Variants in ZNF385D observed in about 807,000 individuals in gnomAD.
ZNF385D encodes zinc finger protein 659.
Under a neutral mutation model 35.8 loss-of-function variants are expected in ZNF385D, and 15 were observed. That is an observed-to-expected ratio of 0.42 (90% CI 0.28 to 0.64). The LOEUF is 0.64. Ranked by LOEUF, ZNF385D falls within the 30% of genes least tolerant of loss-of-function variation. The pLI is 0.23. For missense variants in ZNF385D, 474 were observed against 494.6 expected (o/e 0.96, Z 0.39); for synonymous variants, 212 against 186.8 (o/e 1.13, Z -1.10).
At position 22,129,162 on chromosome 3, in the gene ZNF385D, T is replaced by C. The variant is rs11923104; in HGVS notation, c.325+39655A>G. 5.5e-4 allele frequency among the ~76,000 whole-genome samples: 84 copies of C among 152,290 alleles called. 1 individual carries two copies. Among genetic ancestry groups the C allele is most frequent in the African/African-American group, 1.9e-3 (80 of 41,584 alleles). ...TTACATGGGAGAGTCTCTTGTTTTCTTTCCTTACTTTTCCCCAAACAAACA... is the reference window on the plus strand; with the variant it reads ...TTACATGGGAGAGTCTCTTGTTTTCCTTCCTTACTTTTCCCCAAACAAACA... On this transcript the variant is annotated intron_variant, in intron 3 of 5. Transcript: ENST00000494108.
intron 3 of ZNF385D, among the ~76,000 whole-genome samples, chr3:22,147,841 A>C (rs974616163): frequency 7.2e-5 from 11 of 152,180 alleles, no homozygotes; most frequent in African/African-American, 2.7e-4. Flanking sequence ...TGCTGCAGAA[A>C]CTAGGAAAGA....
At chr3:22,363,452 A>G (rs1160422409) in intron 2 of ZNF385D, among the ~76,000 whole-genome samples, 2 of 152,188 alleles carry the variant, frequency 1.3e-5, no homozygotes, top group South Asian at 2.1e-4. Context: ...GAGGCATCCA[A>G]TAACTAAACT....
intron 3 of ZNF385D, among the ~76,000 whole-genome samples, chr3:22,132,770 A>T (rs1221884462): frequency 6.6e-6 from 1 of 152,126 alleles, no homozygotes; most frequent in Admixed American, 6.6e-5. Flanking sequence ...GTCTTTATCT[A>T]AAAGGCACTA....
At chr3:21,754,777 C>A (rs987418194), upstream of ZNF385D, among the ~76,000 whole-genome samples, 1 of 152,044 alleles carries the variant, frequency 6.6e-6, no homozygotes, top group South Asian at 2.1e-4. Flanking sequence ...TCAGTGAGGG[C>A]AGGGATTTTA....
rs895348067 is a variant in ZNF385D at position 21,796,040 on chromosome 3, A to G, written c.326-131012T>C. 1.1e-4 allele frequency among the ~76,000 whole-genome samples: 17 copies of G among 152,336 alleles called. No individual in the cohort carries two copies. In the South Asian group the frequency reaches 2.7e-3, roughly 24 times the overall value. On this transcript the variant is annotated intron_variant, in intron 3 of 5. Coordinates refer to the ZNF385D transcript ENST00000494108. ...CAATACTATCATAGCAGAGTCCAGA[A>G]AACTCTCAGTTTCTTCTCCCACTTG... is the stretch of plus-strand genomic sequence containing the variant.
chr3:22,207,790 T>TAGACATTTCTTGAAAGA (rs1559452749), intron 2 of ZNF385D, among the ~76,000 whole-genome samples: 1 of 151,840 alleles, frequency 6.6e-6, no homozygotes, highest in African/African-American at 2.4e-5. Flanking sequence ...AGATGTGAAA[T>TAGACATTTCTTGAAAGA]AGACATTTCT....
chr3:22,118,148 C>T (rs934527161), intron 3 of ZNF385D, among the ~76,000 whole-genome samples: 3 of 151,916 alleles, frequency 2.0e-5, no homozygotes, highest in Non-Finnish European at 2.9e-5. Flanking sequence ...ATAAATGAAG[C>T]GTACTTTACT....
chr3:21,765,576 C>T (rs141426210), intron 3 of ZNF385D, among the ~76,000 whole-genome samples: 68 of 151,770 alleles, frequency 4.5e-4, no homozygotes, highest in African/African-American at 1.5e-3. Context: ...TGATGGGCCC[C>T]GGAGCCAGTA....
intron 2 of ZNF385D, among the ~76,000 whole-genome samples, chr3:21,635,680 G>A (rs371480606): frequency 3.9e-5 from 6 of 151,946 alleles, no homozygotes; most frequent in African/African-American, 1.2e-4. Context: ...ACACTGAACC[G>A]AATTTGTAGT....
chr3:22,061,682 T>C (rs562976602), intron 3 of ZNF385D, among the ~76,000 whole-genome samples: 1 of 152,180 alleles, frequency 6.6e-6, no homozygotes, highest in Non-Finnish European at 1.5e-5. Context: ...TTAAGTGTTA[T>C]CTTGTCAAAG....
Position 22,295,701 on chromosome 3 carries a change from T to G in ZNF385D, c.106+76749A>C, listed in dbSNP as rs141758636. ...AAAATCCGCCCCCTTTTGATTACTT[T>G]ATATGCACACCTCATAGTCTGACTT... On this transcript the variant is annotated intron_variant, in intron 2 of 5. Coordinates refer to the ZNF385D transcript ENST00000494108. 7.6e-3 allele frequency among the ~76,000 whole-genome samples: 1,157 copies of G among 152,282 alleles called. 15 individuals are homozygous for G. Among genetic ancestry groups the G allele is most frequent in the African/African-American group, 0.026 (1,078 of 41,566 alleles).
At chr3:22,260,224 A>T (rs1170855983) in intron 2 of ZNF385D, among the ~76,000 whole-genome samples, 1 of 151,982 alleles carries the variant, frequency 6.6e-6, no homozygotes, top group Non-Finnish European at 1.5e-5. Flanking sequence ...CATTCTCAGC[A>T]AACTAACACA....
At chr3:21,553,365 C>G (rs3843877) in intron 3 of ZNF385D, among the ~76,000 whole-genome samples, 30,682 of 152,062 alleles carry the variant, frequency 0.2, 3,888 homozygotes, top group Non-Finnish European at 0.29. Flanking sequence ...TTATACCATA[C>G]TTTATTAACT....
intron 3 of ZNF385D, among the ~76,000 whole-genome samples, chr3:22,167,021 A>G (rs527319146): frequency 3.0e-4 from 46 of 152,222 alleles, no homozygotes; most frequent in Non-Finnish European, 5.7e-4. Flanking sequence ...TAAAATCATG[A>G]CTTACTTTGC....
At chr3:22,095,581 T>G (rs1440221771) in intron 3 of ZNF385D, among the ~76,000 whole-genome samples, 1 of 152,080 alleles carries the variant, frequency 6.6e-6, no homozygotes, top group East Asian at 1.9e-4. Flanking sequence ...GCTGCATACA[T>G]GGATACAATC....
intron 3 of ZNF385D, among the ~76,000 whole-genome samples, chr3:21,871,776 C>T (rs563975025): frequency 1.6e-4 from 25 of 152,132 alleles, no homozygotes; most frequent in African/African-American, 5.8e-4. Context: ...GAGGCTGAGG[C>T]AGGTGGATCA....
At chr3:21,800,574 G>A (rs969924014) in intron 3 of ZNF385D, among the ~76,000 whole-genome samples, 1 of 152,074 alleles carries the variant, frequency 6.6e-6, no homozygotes, top group Non-Finnish European at 1.5e-5. Flanking sequence ...GGAATTTAAG[G>A]CCAGCTCAGG....
At chr3:21,425,447 G>A in intron 6 of ZNF385D, 45 bp downstream of exon 6, 2 of 1,526,654 alleles carry the variant, frequency 1.3e-6, no homozygotes, top group Non-Finnish European at 8.8e-7. Flanking sequence ...CTGCTTATAA[G>A]GCTGTCCCTT....
intron 3 of ZNF385D, among the ~76,000 whole-genome samples, chr3:22,066,072 A>G (rs1418662412): frequency 6.6e-6 from 1 of 152,158 alleles, no homozygotes; most frequent in Non-Finnish European, 1.5e-5. Flanking sequence ...TCTTCCAGAG[A>G]TGTTGTCAAT....
Sources: gnomAD v4.1 joint callset for allele counts (sites outside exome capture counted in the v4.1 genomes callset) on GRCh38, gnomAD v4.1.1 for gene constraint, MANE v1.5 for transcripts, NCBI Gene and HGNC (gene_info 2026-07-23, HGNC 2026-07-21) for gene names.